Variants in TNFRSF10A observed in about 807,000 individuals in gnomAD.
TNFRSF10A encodes TNF receptor superfamily member 10a.
Under a neutral mutation model 42.8 loss-of-function variants are expected in TNFRSF10A, and 44 were observed. The observed-to-expected ratio is 1.03, with a 90% CI of 0.81 to 1.32. TNFRSF10A has a LOEUF of 1.32. Ranked by LOEUF, TNFRSF10A falls within the 40% of genes most tolerant of loss-of-function variation. The probability of loss-of-function intolerance (pLI) is 0.00; values close to 1 mark genes in which losing one functional copy is unlikely to be tolerated. For missense variants in TNFRSF10A, 680 were observed against 602.0 expected, an observed-to-expected ratio of 1.13 and a Z score of -1.36; for synonymous variants, 259 against 234.2, an observed-to-expected ratio of 1.11 and a Z score of -0.97.
chr8:23,214,534 G>A (rs940860169), intron 1 of TNFRSF10A, among the ~76,000 whole-genome samples: 2 of 151,224 alleles, frequency 1.3e-5, no homozygotes, highest in Non-Finnish European at 2.9e-5. Context: ...ACATATTTGT[G>A]GATTCTCCAG....
At chr8:23,207,864 A>T (rs1307473819) in intron 2 of TNFRSF10A, among the ~76,000 whole-genome samples, 1 of 150,200 alleles carries the variant, frequency 6.7e-6, no homozygotes, top group Non-Finnish European at 1.5e-5. Context: ...TTCTTTGTAA[A>T]TTGCCCAGTC....
At chr8:23,204,197 G>A (rs2128848742) in intron 2 of TNFRSF10A, among the ~76,000 whole-genome samples, 1 of 152,256 alleles carries the variant, frequency 6.6e-6, no homozygotes, top group South Asian at 2.1e-4. Flanking sequence ...AAAGCTTCTT[G>A]CTTATGCTCT....
chr8:23,193,644 T>A lies in TNFRSF10A; in HGVS notation c.1088-1631A>T, dbSNP rs150533645. Among the ~76,000 whole-genome samples the A allele has an allele frequency of 2.0e-3, 301 of 152,286 alleles. 1 individual carries two copies. The highest frequency in any genetic ancestry group is 7.0e-3 in the African/African-American group (290 of 41,556). ...GGCAGCACGACTGGCTCCTCTCAAT[T>A]TGAGAAATTTGAAAGCAATTTTTGT... On this transcript the variant is annotated intron_variant, in intron 9 of 9. Transcript: ENST00000221132.
intron 2 of TNFRSF10A, among the ~76,000 whole-genome samples, chr8:23,203,416 C>T (rs1800964137): frequency 6.6e-6 from 1 of 152,192 alleles, no homozygotes; most frequent in Non-Finnish European, 1.5e-5. Context: ...TATACAGAGT[C>T]AAAGAATGAT....
chr8:23,214,301 C>T (rs1247447134), intron 1 of TNFRSF10A, among the ~76,000 whole-genome samples: 1 of 152,072 alleles, frequency 6.6e-6, no homozygotes, highest in Admixed American at 6.6e-5. Context: ...TCCTGGCTAA[C>T]ACGGTGAAAA....
Position 23,224,943 on chromosome 8 carries a change from G to A in TNFRSF10A, c.119C>T (p.Ser40Phe), listed in dbSNP as rs530737531. 6.2e-7 allele frequency: 1 copy of A among 1,600,570 alleles called. No individual in the cohort carries two copies. The highest frequency in any genetic ancestry group is 2.3e-5 in the East Asian group (1 of 44,082). The change falls in exon 1 of 10, where the codon TCT (serine) becomes TTT (phenylalanine). Residue 40 changes from serine to phenylalanine, a missense_variant. Coordinates refer to ENST00000221132, the MANE Select transcript of TNFRSF10A (RefSeq NM_003844.4). The part of the protein sequence containing the change: ...AAATPSKVWG[S>F]SAGRIEPRGG... ...TCGTGGTTCAATCCTCCCCGCGGAA[G>A]AGCCCCACACTTTGCTGGGTGTGGC...
chr8:23,191,755 A>G lies in TNFRSF10A; in HGVS notation c.1346T>C (p.Val449Ala), dbSNP rs1585277411. Residue 449 changes from valine to alanine, a missense_variant, in exon 10 of 10, where the codon GTG (valine) becomes GCG (alanine). By Grantham distance (64) the Val-to-Ala change is moderately conservative. Transcript: ENST00000221132. ...HAREKIQDLLVDSGKFIYLED... is the reference protein window; with the variant it reads ...HAREKIQDLLADSGKFIYLED... ...TAAGTAGATGAACTTTCCAGAGTCC[A>G]CCAAGAGGTCCTGAATCTTCTCTCT... 1.9e-6 allele frequency: 3 copies of G among 1,614,176 alleles called. No homozygotes were observed. Among genetic ancestry groups the G allele is most frequent in the East Asian group, 2.2e-5 (1 of 44,886 alleles).
intron 4 of TNFRSF10A, 126 bp downstream of exon 4, chr8:23,201,681 AT>A (rs1417324270): frequency 1.2e-6 from 1 of 811,018 alleles, no homozygotes; most frequent in Non-Finnish European, 2.0e-6. Context: ...AGGGACACCT[AT>A]GGGGGTGGAG....
At chr8:23,202,902 A>G (rs1800954626) in intron 2 of TNFRSF10A, 141 bp from the exon 3 acceptor site, 1 of 611,162 alleles carries the variant, frequency 1.6e-6, no homozygotes, top group African/African-American at 1.8e-5. Flanking sequence ...TCTTGTCGTC[A>G]ATTCTGCATC....
rs1260399237 is a variant in TNFRSF10A, at chr8:23,200,500, C to G, written c.799+5G>C. 1 of 1,614,134 alleles carries G rather than the reference C, an allele frequency of 6.2e-7. No individual in the cohort carries two copies. Reference sequence around the variant, plus strand: ...CCAGAGCCCTTGCCCTCAGCCAGCACCTACCTGAGCCGATGCAACAACAGA... The same window carrying G: ...CCAGAGCCCTTGCCCTCAGCCAGCAGCTACCTGAGCCGATGCAACAACAGA... On this transcript the variant is annotated splice_donor_5th_base_variant and intron_variant, in intron 6 of 9. Coordinates refer to ENST00000221132, the MANE Select transcript of TNFRSF10A (RefSeq NM_003844.4).
rs111287111 is a variant in TNFRSF10A, at chr8:23,199,719, T to C, written c.831+167A>G. On this transcript the variant is annotated intron_variant, in intron 7 of 9. Transcript: ENST00000221132. Reference sequence around the variant, plus strand: ...CAGAATGGCCCACCAGCCTGTATGATGCTCAAAAGGGCCTGTGTCCCCCAT... The same window carrying C: ...CAGAATGGCCCACCAGCCTGTATGACGCTCAAAAGGGCCTGTGTCCCCCAT... Among the ~76,000 whole-genome samples, 341 of 152,270 alleles carry C rather than the reference T, an allele frequency of 2.2e-3. 1 individual carries two copies. The highest frequency in any genetic ancestry group is 7.9e-3 in the African/African-American group (329 of 41,554).
chr8:23,216,842 T>C (rs1801190777), intron 1 of TNFRSF10A, among the ~76,000 whole-genome samples: 1 of 152,236 alleles, frequency 6.6e-6, no homozygotes, highest in African/African-American at 2.4e-5. Context: ...TTTGGAGTCC[T>C]TCTAGATATT....
At position 23,224,555 on chromosome 8, in the gene TNFRSF10A, G is replaced by A. The variant is rs1801306370; in HGVS notation, c.306+201C>T. The A allele has an allele frequency of 1.2e-5, 8 of 642,472 alleles. No homozygotes were observed. The East Asian group carries it at 1.5e-4, about 12-fold the overall frequency. 39.8% of individuals were successfully genotyped at this position (642,472 alleles called of 1,614,324 possible). ...CCAGCCTCCTGCGGGAGGGGGCTCT[G>A]CTGCCTCCAGGCCCGGGTCGCTCCT... On this transcript the variant is annotated intron_variant, in intron 1 of 9. Transcript: ENST00000221132.
chr8:23,200,744 C>T lies in TNFRSF10A; in HGVS notation c.646G>A (p.Val216Ile), dbSNP rs1195689118. ...CAGGGCGTACAATCCTTGACCTTGA[C>T]CATCCCTCTGGGGCACCTGGGTACA... ...KCSRGCPRGM[V>I]KVKDCTPWSD... The change falls in exon 5 of 10, where the codon GTC (valine) becomes ATC (isoleucine). Residue 216 changes from valine (V) to isoleucine (I), a missense_variant. Physicochemically the swap from Val to Ile is conservative, Grantham distance 29. Transcript: ENST00000221132. 2 of 1,613,800 alleles carry T rather than the reference C, an allele frequency of 1.2e-6. No homozygotes were observed. The highest frequency in any genetic ancestry group is 2.2e-5 in the East Asian group (1 of 44,852).
chr8:23,201,553 T>G (rs1800918473), intron 4 of TNFRSF10A, among the ~76,000 whole-genome samples: 1 of 151,818 alleles, frequency 6.6e-6, no homozygotes, highest in Non-Finnish European at 1.5e-5. Context: ...CAAGTCAGCC[T>G]GGCCAAGGGG....
intron 1 of TNFRSF10A, among the ~76,000 whole-genome samples, chr8:23,216,798 G>C (rs1218120600): frequency 1.3e-5 from 2 of 151,816 alleles, no homozygotes; most frequent in African/African-American, 4.8e-5. Flanking sequence ...TGAACTATGA[G>C]TTATTTATAA....
chr8:23,206,234 T>C (rs1801006123), intron 2 of TNFRSF10A, among the ~76,000 whole-genome samples: 1 of 152,080 alleles, frequency 6.6e-6, no homozygotes, highest in African/African-American at 2.4e-5. Context: ...GAAGTTAATA[T>C]TGAAGGAAGG....
At chr8:23,214,882 A>G (rs928318098) in intron 1 of TNFRSF10A, among the ~76,000 whole-genome samples, 13 of 152,230 alleles carry the variant, frequency 8.5e-5, no homozygotes, top group African/African-American at 3.1e-4. Context: ...CCAATGTCCC[A>G]TGAAATACTA....
intron 1 of TNFRSF10A, among the ~76,000 whole-genome samples, chr8:23,218,833 A>G (rs4623437): frequency 0.27 from 40,538 of 152,132 alleles, 5,898 homozygotes; most frequent in East Asian, 0.68. Context: ...TCTAAAACAA[A>G]GACAATGAGG....
Sources: gnomAD v4.1 joint callset for allele counts (sites outside exome capture counted in the v4.1 genomes callset) on GRCh38, gnomAD v4.1.1 for gene constraint, MANE v1.5 for transcripts, NCBI Gene and HGNC (gene_info 2026-07-23, HGNC 2026-07-21) for gene names.